The following SEMA4D variants were observed in gnomAD, a reference collection of about 807,000 sequenced individuals.
SEMA4D encodes semaphorin-4D.
Under a neutral mutation model 74.8 loss-of-function variants are expected in SEMA4D, and 22 were observed. The observed-to-expected ratio is 0.29, with a 90% CI of 0.21 to 0.42. The LOEUF is 0.42. Among genes scored for constraint, SEMA4D ranks in the 10% least tolerant of loss-of-function variants. The probability of loss-of-function intolerance (pLI) is 1.00; values close to 1 mark genes in which losing one functional copy is unlikely to be tolerated. For synonymous variants in SEMA4D, 445 were observed against 463.7 expected, an observed-to-expected ratio of 0.96 and a Z score of 0.52; for missense variants, 937 against 1,118.4, an observed-to-expected ratio of 0.84 and a Z score of 2.31.
At chr9:89,362,481 T>G in intron 18 of SEMA4D, 14 of 1,613,926 alleles carry the variant, frequency 8.7e-6, no homozygotes, top group Non-Finnish European at 1.2e-5. Flanking sequence ...GGGCCTTTCC[T>G]GCTCTGCAGC....
intron 5 of SEMA4D, 121 bp from the exon 6 acceptor site, chr9:89,396,956 G>A: frequency 1.2e-6 from 1 of 863,384 alleles, no homozygotes; most frequent in Non-Finnish European, 1.9e-6. Flanking sequence ...CAGCTCACAG[G>A]TGGCCCCAGG....
At chr9:89,443,076 T>G (rs9410483) in intron 2 of SEMA4D, among the ~76,000 whole-genome samples, 146,422 of 152,252 alleles carry the variant, frequency 0.96, 70,626 homozygotes, top group Non-Finnish European at 1. Context: ...GACTGAAGCC[T>G]CCCAGGAGGA....
chr9:89,441,107 C>T (rs946047160), intron 2 of SEMA4D, among the ~76,000 whole-genome samples: 2 of 152,260 alleles, frequency 1.3e-5, no homozygotes, highest in African/African-American at 2.4e-5. Context: ...GCTGGCTTCA[C>T]GCCCTCTGCT....
chr9:89,479,332 T>C (rs567083410), intron 1 of SEMA4D, among the ~76,000 whole-genome samples: 8 of 152,320 alleles, frequency 5.3e-5, no homozygotes, highest in African/African-American at 1.9e-4. Context: ...TTGGCCACCA[T>C]GTTTTAAAAA....
At chr9:89,450,757 T>G (rs1290087409) in intron 2 of SEMA4D, 1 of 1,289,216 alleles carries the variant, frequency 7.8e-7, no homozygotes, top group African/African-American at 1.5e-5. Flanking sequence ...GGGACCAAGG[T>G]GGGTCCCATC....
downstream of SEMA4D, among the ~76,000 whole-genome samples, chr9:89,374,185 C>T (rs2132536990): frequency 6.6e-6 from 1 of 152,296 alleles, no homozygotes; most frequent in Non-Finnish European, 1.5e-5. Flanking sequence ...GGGCTGGGGG[C>T]CTCAGTTCTC....
intron 13 of SEMA4D, among the ~76,000 whole-genome samples, chr9:89,383,840 G>A (rs1384062285): frequency 1.3e-5 from 2 of 152,184 alleles, no homozygotes; most frequent in African/African-American, 4.8e-5. Flanking sequence ...CTGAGAGCAA[G>A]CCTGTCCTGT....
chr9:89,364,147 T>A, intron 16 of SEMA4D: 1 of 1,118,606 alleles, frequency 8.9e-7, no homozygotes, highest in South Asian at 1.6e-5. Context: ...TGGCCCGTCC[T>A]GTGGACTTCC....
chr9:89,424,196 C>T (rs1008575724), intron 2 of SEMA4D, among the ~76,000 whole-genome samples: 9 of 152,192 alleles, frequency 5.9e-5, no homozygotes, highest in African/African-American at 1.9e-4. Context: ...AGCCCTACCA[C>T]CAGAGATGAG....
chr9:89,458,077 G>A (rs1856373279), intron 1 of SEMA4D, among the ~76,000 whole-genome samples: 1 of 152,100 alleles, frequency 6.6e-6, no homozygotes, highest in South Asian at 2.1e-4. Flanking sequence ...CTGAGGAGGT[G>A]ACCTTGTGTG....
Position 89,392,545 on chromosome 9 carries a change from G to A in SEMA4D, c.509-9C>T, listed in dbSNP as rs765952635. 9.4e-6 allele frequency: 15 copies of A among 1,591,310 alleles called. No homozygotes were observed. The highest frequency in any genetic ancestry group is 1.2e-5 in the Non-Finnish European group (14 of 1,159,520). On this transcript the variant is annotated splice_polypyrimidine_tract_variant and intron_variant, in intron 7 of 15. Transcript: ENST00000422704. The stretch of plus-strand genomic sequence containing the variant: ...CGAATAAAGTTCTCCATCTGCAGGG[G>A]CCCAGAAGAAAAGAGGAAAAGGGAA...
chr9:89,405,084 C>T, intron 3 of SEMA4D, among the ~76,000 whole-genome samples: 1 of 147,166 alleles, frequency 6.8e-6, no homozygotes, highest in African/African-American at 2.5e-5. Flanking sequence ...CTGTCCCCAG[C>T]CACCCGCCTC....
Position 89,413,853 on chromosome 9 carries a change from C to T in SEMA4D, c.-243-8154G>A, listed in dbSNP as rs184542756. Among the ~76,000 whole-genome samples, 16 of 152,088 alleles carry T rather than the reference C, an allele frequency of 1.1e-4. No individual in the cohort carries two copies. In the South Asian group the frequency reaches 1.2e-3, roughly 12 times the overall value. On this transcript the variant is annotated intron_variant, in intron 2 of 15. Transcript: ENST00000422704. ...GCACATACGTGCATGCATCTGTGTG[C>T]GCATCTGTGTATGTGTACGCAGACA...
At chr9:89,371,367 CTG>C (rs1430503675) in intron 16 of SEMA4D, among the ~76,000 whole-genome samples, 7 of 48,934 alleles carry the variant, frequency 1.4e-4, no homozygotes, top group East Asian at 6.3e-4. Flanking sequence ...GTGTGTGTGT[CTG>C]GGGTGTGGCA....
chr9:89,386,124 G>A (rs1467248640), intron 13 of SEMA4D: 1 of 971,018 alleles, frequency 1.0e-6, no homozygotes, highest in African/African-American at 1.8e-5. Context: ...ACAACTCAAT[G>A]ACATTCCAGC....
rs533933302 is a variant in SEMA4D at position 89,474,781 on chromosome 9, G to A, written c.-309-18828C>T. On this transcript the variant is annotated intron_variant, in intron 1 of 15. Coordinates refer to ENST00000422704, the MANE Select transcript of SEMA4D (RefSeq NM_001371194.2). ...AGACGGATTCTTCCCACACCACCAC[G>A]TTCCTCCTGGCCAAGCCTTTCCGTA... Among the ~76,000 whole-genome samples, 5 of 152,288 alleles carry A rather than the reference G, an allele frequency of 3.3e-5. No individual in the cohort carries two copies. In the South Asian group the frequency reaches 6.2e-4, roughly 19 times the overall value.
At chr9:89,370,184 ATGTGTGTGTGG>A (rs1374798618) in intron 16 of SEMA4D, among the ~76,000 whole-genome samples, 2 of 145,702 alleles carry the variant, frequency 1.4e-5, no homozygotes, top group African/African-American at 2.6e-5. Context: ...ATGGTGTTTG[ATGTGTGTGTGG>A]TGTGTGTGAT....
At chr9:89,408,960 C>T (rs1233341929) in intron 2 of SEMA4D, among the ~76,000 whole-genome samples, 1 of 152,206 alleles carries the variant, frequency 6.6e-6, no homozygotes, top group Non-Finnish European at 1.5e-5. Flanking sequence ...TGGGAGAAGG[C>T]GCTCTGAAGA....
chr9:89,492,557 G>C lies in SEMA4D; in HGVS notation c.-310+5362C>G, dbSNP rs577426086. Among the ~76,000 whole-genome samples the C allele has an allele frequency of 5.3e-5, 8 of 152,038 alleles. No individual in the cohort carries two copies. Among genetic ancestry groups the C allele is most frequent in the African/African-American group, 1.5e-4 (6 of 41,376 alleles). On this transcript the variant is annotated intron_variant, in intron 1 of 15. Transcript: ENST00000422704. The surrounding 1 kb of genome is among the most constrained non-coding windows in gnomAD (Gnocchi z 4.3). ...GGACACTTCAGTAGGACTCTCACCT[G>C]TACTATCTTGAGAGCCACACCATCC...
Sources: gnomAD v4.1 joint callset for allele counts (sites outside exome capture counted in the v4.1 genomes callset) on GRCh38, gnomAD v4.1.1 for gene constraint, Gnocchi (gnomAD v3.1) non-coding constraint, MANE v1.5 for transcripts, NCBI Gene and HGNC (gene_info 2026-07-23, HGNC 2026-07-21) for gene names.